The following MECOM variants were observed in gnomAD, a reference collection of about 807,000 sequenced individuals.
The protein encoded by MECOM is histone-lysine N-methyltransferase MECOM.
MECOM carries 13 observed loss-of-function variants against 116.3 expected under a neutral mutation model. The ratio of observed to expected loss-of-function variants is 0.11; its 90% CI spans 0.07 to 0.18. MECOM has a LOEUF of 0.18. Among genes scored for constraint, MECOM ranks in the 10% least tolerant of loss-of-function variants. The pLI is 1.00. For missense variants in MECOM, 1,299 were observed against 1,509.0 expected (o/e 0.86, Z 2.31); for synonymous variants, 528 against 535.2 (o/e 0.99, Z 0.19).
intron 2 of MECOM, among the ~76,000 whole-genome samples, chr3:169,155,116 A>G (rs1003801163): frequency 5.9e-5 from 9 of 152,202 alleles, no homozygotes; most frequent in Non-Finnish European, 1.3e-4. Flanking sequence ...GACTTTTTGT[A>G]AGAATAAATT....
At chr3:169,216,567 C>A (rs1751440971) in intron 2 of MECOM, among the ~76,000 whole-genome samples, 1 of 143,602 alleles carries the variant, frequency 7.0e-6, no homozygotes, top group Non-Finnish European at 1.5e-5. Flanking sequence ...TTTACACAAA[C>A]CTTCTCTAGT....
chr3:169,420,632 G>C (rs1276007498), intron 1 of MECOM, among the ~76,000 whole-genome samples: 1 of 152,106 alleles, frequency 6.6e-6, no homozygotes, highest in African/African-American at 2.4e-5. Flanking sequence ...AGGGAGAAGA[G>C]AGCCCCACTC....
Position 169,090,161 on chromosome 3 carries a change from T to C in MECOM, c.3240A>G (p.Glu1080=). 1 of 1,613,524 alleles carries C rather than the reference T, an allele frequency of 6.2e-7. No individual in the cohort carries two copies. Among genetic ancestry groups the C allele is most frequent in the Non-Finnish European group, 8.5e-7 (1 of 1,179,618 alleles). Residue 1080 remains glutamate, a synonymous_variant, in exon 15 of 17, where the codon GAA becomes GAG. Coordinates refer to ENST00000651503, the MANE Select transcript of MECOM (RefSeq NM_004991.4). ...CATCTAACAACACCTCATCTTCAAC[T>C]TCTTCATCATCCAGCAAGTCTGAAT... ...SQNSDLLDDE[E]VEDEVLLDEE...
intron 1 of MECOM, among the ~76,000 whole-genome samples, chr3:169,633,253 G>T (rs755073695): frequency 6.6e-6 from 1 of 152,100 alleles, no homozygotes; most frequent in Non-Finnish European, 1.5e-5. Flanking sequence ...CAGATGTTTT[G>T]CTCACTTCCA....
chr3:169,300,876 T>G (rs940225731), intron 2 of MECOM, among the ~76,000 whole-genome samples: 2 of 152,226 alleles, frequency 1.3e-5, no homozygotes, highest in African/African-American at 4.8e-5. Flanking sequence ...TCTATTAGCT[T>G]TTATAGCCAC....
At chr3:169,093,783 C>G (rs1039317084) in intron 13 of MECOM, among the ~76,000 whole-genome samples, 2 of 152,152 alleles carry the variant, frequency 1.3e-5, no homozygotes, top group South Asian at 2.1e-4. Flanking sequence ...CACTTAAGCA[C>G]TTTATATGTG....
intron 1 of MECOM, among the ~76,000 whole-genome samples, chr3:169,602,084 G>T (rs1249966935): frequency 6.6e-6 from 1 of 152,144 alleles, no homozygotes; most frequent in African/African-American, 2.4e-5. Flanking sequence ...CCTAAATATT[G>T]TTCTTGATCA....
intron 1 of MECOM, among the ~76,000 whole-genome samples, chr3:169,647,117 T>C (rs1577268473): frequency 1.3e-5 from 2 of 152,340 alleles, no homozygotes; most frequent in East Asian, 3.9e-4. Flanking sequence ...GTGTTCTACT[T>C]TTATTTCTGG....
intron 2 of MECOM, among the ~76,000 whole-genome samples, chr3:169,289,927 G>T (rs1386436680): frequency 6.6e-6 from 1 of 152,116 alleles, no homozygotes; most frequent in Non-Finnish European, 1.5e-5. Flanking sequence ...AAGTAGCTTG[G>T]TGAGCCCACC....
At chr3:169,622,261 T>C (rs575968383) in intron 1 of MECOM, among the ~76,000 whole-genome samples, 1 of 152,230 alleles carries the variant, frequency 6.6e-6, no homozygotes, top group East Asian at 1.9e-4. Context: ...GGCTAATTTT[T>C]TTGTATTTTT....
intron 1 of MECOM, among the ~76,000 whole-genome samples, chr3:169,513,900 T>C (rs960123540): frequency 6.6e-6 from 1 of 152,192 alleles, no homozygotes; most frequent in African/African-American, 2.4e-5. Flanking sequence ...GCTCTTTTTT[T>C]CAGGAGATCA....
intron 2 of MECOM, among the ~76,000 whole-genome samples, chr3:169,202,896 G>C (rs1749375567): frequency 6.7e-6 from 1 of 149,384 alleles, no homozygotes; most frequent in African/African-American, 2.5e-5. Context: ...CACCAGGCAA[G>C]CAGATGGATT....
At chr3:169,177,942 C>CA (rs1745409086) in intron 2 of MECOM, among the ~76,000 whole-genome samples, 1 of 150,674 alleles carries the variant, frequency 6.6e-6, no homozygotes. Context: ...GAGAAAAAAA[C>CA]AAAAAAGAGA....
At chr3:169,401,221 T>C (rs544010050) in intron 1 of MECOM, among the ~76,000 whole-genome samples, 1 of 152,236 alleles carries the variant, frequency 6.6e-6, no homozygotes, top group African/African-American at 2.4e-5. Flanking sequence ...TTAGCTTCCA[T>C]GGATGCAGTA....
chr3:169,206,835 A>G (rs573440736), intron 2 of MECOM, among the ~76,000 whole-genome samples: 2 of 152,222 alleles, frequency 1.3e-5, no homozygotes, highest in Admixed American at 1.3e-4. Context: ...CCCAGGCATA[A>G]TACATAAAAA....
At chr3:169,165,979 A>G (rs1405522576) in intron 2 of MECOM, among the ~76,000 whole-genome samples, 1 of 152,126 alleles carries the variant, frequency 6.6e-6, no homozygotes, top group Non-Finnish European at 1.5e-5. Flanking sequence ...TAATGTTCCC[A>G]AACAGCTGGG....
chr3:169,273,029 A>G (rs1759135569), intron 2 of MECOM, among the ~76,000 whole-genome samples: 1 of 152,126 alleles, frequency 6.6e-6, no homozygotes, highest in South Asian at 2.1e-4. Flanking sequence ...ACCTCCTCCA[A>G]ACACAGAAAT....
At chr3:169,149,136 G>C (rs1740697723) in intron 2 of MECOM, among the ~76,000 whole-genome samples, 1 of 140,650 alleles carries the variant, frequency 7.1e-6, no homozygotes. Flanking sequence ...GCTATGAGCT[G>C]TTCTATTTTC....
chr3:169,124,327 T>A (rs932938039), intron 5 of MECOM, among the ~76,000 whole-genome samples: 10 of 151,742 alleles, frequency 6.6e-5, no homozygotes, highest in Admixed American at 6.6e-4. Flanking sequence ...TATAAATAAA[T>A]TGTAATAAGA....
Sources: gnomAD v4.1 joint callset for allele counts (sites outside exome capture counted in the v4.1 genomes callset) on GRCh38, gnomAD v4.1.1 for gene constraint, MANE v1.5 for transcripts, NCBI Gene and HGNC (gene_info 2026-07-23, HGNC 2026-07-21) for gene names.